Variants in BBX observed in about 807,000 individuals in gnomAD.
BBX encodes the protein BBX high mobility group box domain containing, also known as HMG box transcription factor BBX.
Under a neutral mutation model 100.2 loss-of-function variants are expected in BBX, and 30 were observed. The ratio of observed to expected loss-of-function variants is 0.30; its 90% CI spans 0.22 to 0.41. BBX has a LOEUF of 0.41. BBX is among the 10% of genes least tolerant of loss of function. The pLI, the probability that BBX is intolerant of heterozygous loss-of-function variation, is 1.00. For synonymous variants in BBX, 376 were observed against 388.1 expected (o/e 0.97, Z 0.37); for missense variants, 1,023 against 1,129.8 (o/e 0.91, Z 1.35).
At chr3:107,799,546 A>G (rs554595100) in intron 16 of BBX, among the ~76,000 whole-genome samples, 17 of 152,274 alleles carry the variant, frequency 1.1e-4, no homozygotes, top group African/African-American at 3.1e-4. Flanking sequence ...AGGAGATCCT[A>G]TACTTTTAAA....
At chr3:107,666,888 A>G (rs1440119903) in intron 3 of BBX, among the ~76,000 whole-genome samples, 1 of 152,168 alleles carries the variant, frequency 6.6e-6, no homozygotes, top group East Asian at 1.9e-4. Flanking sequence ...AAAATTATTT[A>G]TTATTGAAAG....
chr3:107,601,241 A>G (rs146658067), intron 2 of BBX, among the ~76,000 whole-genome samples: 8 of 152,300 alleles, frequency 5.3e-5, no homozygotes, highest in South Asian at 4.1e-4. Context: ...CAACACAACA[A>G]TATTGAAATT....
At chr3:107,687,115 C>A (rs1015102869) in intron 3 of BBX, among the ~76,000 whole-genome samples, 3 of 151,870 alleles carry the variant, frequency 2.0e-5, no homozygotes, top group African/African-American at 4.8e-5. Flanking sequence ...GTACAGAATT[C>A]TAAGAAAGCA....
chr3:107,630,516 A>C (rs2056481427), intron 2 of BBX, among the ~76,000 whole-genome samples: 1 of 152,138 alleles, frequency 6.6e-6, no homozygotes, highest in Non-Finnish European at 1.5e-5. Flanking sequence ...CAGTTTTCAG[A>C]TAGAATTTGC....
At chr3:107,568,677 C>T (rs1185614605) in intron 2 of BBX, among the ~76,000 whole-genome samples, 1 of 152,078 alleles carries the variant, frequency 6.6e-6, no homozygotes, top group Non-Finnish European at 1.5e-5. Context: ...CTTTTTTTAA[C>T]CATTTATTTC....
chr3:107,584,718 T>G, intron 2 of BBX, among the ~76,000 whole-genome samples: 1 of 118,780 alleles, frequency 8.4e-6, no homozygotes, highest in African/African-American at 3.3e-5. Context: ...TGAGGTGGAG[T>G]CTCACTCTTG....
chr3:107,698,137 A>T (rs1374563355), intron 3 of BBX, among the ~76,000 whole-genome samples: 1 of 151,744 alleles, frequency 6.6e-6, no homozygotes, highest in Admixed American at 6.6e-5. Flanking sequence ...TCAGATGGAA[A>T]TGCAGAAATC....
intron 3 of BBX, among the ~76,000 whole-genome samples, chr3:107,646,703 G>A (rs1432169868): frequency 3.3e-5 from 5 of 152,060 alleles, no homozygotes; most frequent in African/African-American, 9.7e-5. Context: ...GAATTAAAAT[G>A]AGCAAATATA....
chr3:107,747,473 G>A lies in BBX; in HGVS notation c.751-492G>A, dbSNP rs137871094. On this transcript the variant is annotated intron_variant, in intron 8 of 17. Coordinates refer to ENST00000325805, the MANE Select transcript of BBX (RefSeq NM_001142568.3). ...GCTGAGCTGGCCAAGGTCATGTTGTGGGTAAGTAGCAGAGCTGAGATTCAG... is the reference window on the plus strand; with the variant it reads ...GCTGAGCTGGCCAAGGTCATGTTGTAGGTAAGTAGCAGAGCTGAGATTCAG... 1.9e-3 allele frequency among the ~76,000 whole-genome samples: 295 copies of A among 152,004 alleles called. 2 individuals carry two copies. The East Asian group carries it at 0.031, about 16-fold the overall frequency.
chr3:107,662,166 A>T (rs552414983), intron 3 of BBX, among the ~76,000 whole-genome samples: 2 of 152,348 alleles, frequency 1.3e-5, no homozygotes, highest in South Asian at 4.1e-4. Context: ...ATGTGTGCTG[A>T]TGGGGCCTAG....
intron 3 of BBX, among the ~76,000 whole-genome samples, chr3:107,658,748 C>T (rs1260166358): frequency 6.6e-6 from 1 of 151,726 alleles, no homozygotes; most frequent in Non-Finnish European, 1.5e-5. Context: ...ATTTTTCTTC[C>T]TTGTCTTCAC....
chr3:107,746,736 G>C (rs2064637102), intron 8 of BBX, among the ~76,000 whole-genome samples: 1 of 151,980 alleles, frequency 6.6e-6, no homozygotes, highest in African/African-American at 2.4e-5. Flanking sequence ...TTACAGATGT[G>C]AGCCACACTA....
chr3:107,743,532 T>A (rs1416673902), intron 7 of BBX, among the ~76,000 whole-genome samples: 4 of 152,204 alleles, frequency 2.6e-5, no homozygotes, highest in Admixed American at 2.6e-4. Flanking sequence ...CCATTACTCT[T>A]TAAAATCCAA....
intron 2 of BBX, among the ~76,000 whole-genome samples, chr3:107,632,315 C>T (rs1453844786): frequency 6.6e-6 from 1 of 152,012 alleles, no homozygotes; most frequent in African/African-American, 2.4e-5. Flanking sequence ...AAACTCTTGA[C>T]CTCAGATAAT....
chr3:107,537,579 A>T (rs1478877676), intron 2 of BBX, among the ~76,000 whole-genome samples: 1 of 152,170 alleles, frequency 6.6e-6, no homozygotes, highest in African/African-American at 2.4e-5. Context: ...GTTTTCCAGG[A>T]TGTCTTCAAT....
chr3:107,714,634 C>T (rs1195700826), intron 4 of BBX, among the ~76,000 whole-genome samples: 2 of 152,088 alleles, frequency 1.3e-5, no homozygotes, highest in East Asian at 3.9e-4. Context: ...CCATTATATA[C>T]ATAATGAGGA....
intron 7 of BBX, among the ~76,000 whole-genome samples, chr3:107,736,496 C>G (rs1415251291): frequency 6.6e-6 from 1 of 151,382 alleles, no homozygotes. Flanking sequence ...ACATCAAACT[C>G]AGGGAAGAAC....
intron 7 of BBX, among the ~76,000 whole-genome samples, chr3:107,734,633 A>G (rs1221672570): frequency 1.3e-5 from 2 of 152,192 alleles, no homozygotes; most frequent in African/African-American, 4.8e-5. Context: ...TTAACTATTT[A>G]AATTATCATA....
At chr3:107,705,094 T>A (rs1159667731) in intron 3 of BBX, among the ~76,000 whole-genome samples, 1 of 151,978 alleles carries the variant, frequency 6.6e-6, no homozygotes, top group East Asian at 1.9e-4. Context: ...AGCAGGTGGG[T>A]CCAATTTGTG....
Sources: allele counts gnomAD v4.1 joint callset (sites outside exome capture counted in the v4.1 genomes callset), GRCh38; gene constraint gnomAD v4.1.1; transcripts MANE v1.5; gene names NCBI Gene and HGNC (gene_info 2026-07-23, HGNC 2026-07-21).